The following MRGPRX1 variants were observed in gnomAD, a reference collection of about 807,000 sequenced individuals.
MRGPRX1 encodes mas-related G protein-coupled receptor member X1.
For missense variants in MRGPRX1, 411 were observed against 393.8 expected (o/e 1.04, Z -0.37); for synonymous variants, 208 against 170.4 (o/e 1.22, Z -1.72).
At chr11:18,936,339 A>G (rs1872021) in intron 1 of MRGPRX1, among the ~76,000 whole-genome samples, 56,685 of 148,462 alleles carry the variant, frequency 0.38, 9,804 homozygotes, top group South Asian at 0.41. Context: ...CAGATAGAGA[A>G]AGAGAAGCAG....
At chr11:18,936,800 A>G (rs1848844564) in intron 1 of MRGPRX1, among the ~76,000 whole-genome samples, 1 of 151,518 alleles carries the variant, frequency 6.6e-6, no homozygotes, top group South Asian at 2.1e-4. Context: ...TTAATATAAC[A>G]TAAGATGAAG....
At chr11:18,935,921 AGGGC>A (rs1848837250) in intron 1 of MRGPRX1, among the ~76,000 whole-genome samples, 1 of 151,482 alleles carries the variant, frequency 6.6e-6, no homozygotes, top group Non-Finnish European at 1.5e-5. Flanking sequence ...GGAGATATGT[AGGGC>A]TTGGAGTATA....
In MRGPRX1 at chr11:18,935,364, C is replaced by T. The variant is rs369188541; in HGVS notation, c.-25-555G>A. 2.0e-5 allele frequency: 3 copies of T among 152,132 alleles called. 1 individual carries two copies. In the East Asian group the frequency reaches 5.8e-4, roughly 30 times the overall value. The allele number at this position is 152,132 out of a possible 1,614,324, so 9.4% of individuals were successfully genotyped here. A position where few individuals can be genotyped will look rare whatever the true frequency, so the allele number is the denominator to read the frequency against. On this transcript the variant is annotated intron_variant, in intron 1 of 1. Coordinates refer to ENST00000526914, the MANE Select transcript of MRGPRX1 (RefSeq NM_001393578.1). ...CCTAGTGCCTATTCCATAAGCAGCA[C>T]ACTGTGCTTTTCATATACATTCATT...
rs764324306 is a variant in MRGPRX1 at position 18,934,323 on chromosome 11, G to A, written c.462C>T (p.Ser154=). 6.2e-6 allele frequency: 10 copies of A among 1,610,848 alleles called. No individual in the cohort carries two copies. In the South Asian group the frequency reaches 6.6e-5, roughly 11 times the overall value. ...AGCCACATAACATCCACTCCAGGATGCTCCGCAGCAGGGACAGGGCCCAGA... is the reference window on the plus strand; with the variant it reads ...AGCCACATAACATCCACTCCAGGATACTCCGCAGCAGGGACAGGGCCCAGA... The part of the protein sequence containing the change: ...VLLWALSLLR[S]ILEWMLCGFL... Residue 154 remains serine (S), a synonymous_variant, in exon 2 of 2, where the codon AGC becomes AGT. Coordinates refer to ENST00000526914, the MANE Select transcript of MRGPRX1 (RefSeq NM_001393578.1).
At chr11:18,938,489 T>A (rs546489947) in intron 1 of MRGPRX1, among the ~76,000 whole-genome samples, 1 of 151,562 alleles carries the variant, frequency 6.6e-6, no homozygotes, top group Admixed American at 6.6e-5. Flanking sequence ...AGGGGGATAG[T>A]GTTAAGCCAT....
At chr11:18,935,449 A>C (rs1848833183) in intron 1 of MRGPRX1, among the ~76,000 whole-genome samples, 1 of 151,582 alleles carries the variant, frequency 6.6e-6, no homozygotes, top group Non-Finnish European at 1.5e-5. Context: ...GTGAAATGGA[A>C]AACAAAAATG....
intron 1 of MRGPRX1, among the ~76,000 whole-genome samples, chr11:18,938,747 A>T (rs1190358507): frequency 6.6e-6 from 1 of 151,204 alleles, no homozygotes; most frequent in Non-Finnish European, 1.5e-5. Context: ...CTAGGGGAGG[A>T]CTTAGTCCTC....
chr11:18,936,088 A>C (rs1848838362), intron 1 of MRGPRX1, among the ~76,000 whole-genome samples: 1 of 151,464 alleles, frequency 6.6e-6, no homozygotes, highest in Non-Finnish European at 1.5e-5. Flanking sequence ...CCCATATGTC[A>C]GATAATGCAT....
Position 18,934,702 on chromosome 11 carries a change from A to T in MRGPRX1, c.83T>A (p.Leu28Ter). The change falls in exon 2 of 2, where the codon TTG (leucine) becomes TAG (stop). Residue 28 changes from leucine (L) to a stop codon, truncating the protein, a stop_gained. Transcript: ENST00000526914. LOFTEE classifies it low-confidence loss of function (END_TRUNC). ...GATGCACGTCAGCACCGTGAGGCTC[A>T]AGGTCTGCTTGTAGCAAAGAGTCTC... Reference protein sequence around the residue: ...TEETLCYKQTLSLTVLTCIVS... With the variant: ...TEETLCYKQT 6.2e-7 allele frequency: 1 copy of T among 1,609,866 alleles called. No individual in the cohort carries two copies. Among genetic ancestry groups the T allele is most frequent in the Non-Finnish European group, 8.5e-7 (1 of 1,177,746 alleles).
At chr11:18,934,934 C>T (rs1207561101) in intron 1 of MRGPRX1, 125 bp from the exon 2 acceptor site, 17 of 1,141,818 alleles carry the variant, frequency 1.5e-5, no homozygotes, top group Non-Finnish European at 2.0e-5. Context: ...GAATAAGTCA[C>T]CTATCAAAAG....
chr11:18,934,979 C>A (rs1311946048), intron 1 of MRGPRX1, 170 bp from the exon 2 acceptor site: 8 of 715,008 alleles, frequency 1.1e-5, no homozygotes, highest in Non-Finnish European at 1.8e-5. Context: ...AAATCCAGTT[C>A]TTGCTGACTC....
Position 18,934,095 on chromosome 11 carries a change from C to T in MRGPRX1, c.690G>A (p.Leu230=), listed in dbSNP as rs753251918. The T allele has an allele frequency of 6.2e-7, 1 of 1,610,966 alleles. No homozygotes were observed. The highest frequency in any genetic ancestry group is 1.1e-5 in the South Asian group (1 of 90,790). The change falls in exon 2 of 2, where the codon CTG becomes CTA. Residue 230 remains leucine, a synonymous_variant. Transcript: ENST00000526914. ...LTVLVFLLCG[L]PFGIQFFLFL... The stretch of plus-strand genomic sequence containing the variant: ...ATAGGAAAAACTGAATGCCAAAGGG[C>T]AGGCCACAGAGGAGGAAGACCAGTA...
At position 18,938,286 on chromosome 11, in the gene MRGPRX1, C is replaced by T. The variant is rs557635263; in HGVS notation, c.-26+994G>A. On this transcript the variant is annotated intron_variant, in intron 1 of 1. Coordinates refer to ENST00000526914, the MANE Select transcript of MRGPRX1 (RefSeq NM_001393578.1). ...CAGGTTTAATTGGCTTATGGCTCTG[C>T]GGGCTATGCAAGAAGCATAGCAGCT... Among the ~76,000 whole-genome samples the T allele has an allele frequency of 1.5e-4, 22 of 151,596 alleles. 1 individual carries two copies. Among genetic ancestry groups the T allele is most frequent in the East Asian group, 5.8e-4 (3 of 5,158 alleles).
In MRGPRX1 at chr11:18,934,241, C is replaced by G; in HGVS notation, c.544G>C (p.Ala182Pro). The G allele has an allele frequency of 1.2e-6, 2 of 1,610,416 alleles. No homozygotes were observed. Among genetic ancestry groups the G allele is most frequent in the Non-Finnish European group, 1.7e-6 (2 of 1,178,052 alleles). Reference sequence around the variant, plus strand: ...ACCACACATAAAAAAATCAGCCACGCGACTGTGATGAAATCTGATGTTTGA... The same window carrying G: ...ACCACACATAAAAAAATCAGCCACGGGACTGTGATGAAATCTGATGTTTGA... ...WCQTSDFITV[A>P]WLIFLCVVLC... The change falls in exon 2 of 2, where the codon GCG becomes CCG. Residue 182 changes from alanine to proline, a missense_variant. Ala to Pro is a conservative substitution (Grantham distance 27). Transcript: ENST00000526914.
In MRGPRX1 at chr11:18,934,641, C is replaced by A. The variant is rs1218604861; in HGVS notation, c.144G>T (p.Val48=). 1 of 1,610,804 alleles carries A rather than the reference C, an allele frequency of 6.2e-7. No homozygotes were observed. The highest frequency in any genetic ancestry group is 8.5e-7 in the Non-Finnish European group (1 of 1,178,144). The change falls in exon 2 of 2, where the codon GTG becomes GTT. Residue 48 remains valine, a synonymous_variant. Transcript: ENST00000526914. ...SLVGLTGNAV[V]LWLLGCRMRR... The stretch of plus-strand genomic sequence containing the variant: ...GCATGCGGCAGCCCAGGAGCCAGAG[C>A]ACAACTGCGTTTCCTGTCAGCCCGA...
Position 18,933,593 on chromosome 11 carries a change from T to C in MRGPRX1, c.*223A>G, listed in dbSNP as rs1484959753. 4.0e-5 allele frequency among the ~76,000 whole-genome samples: 6 copies of C among 151,222 alleles called. No homozygotes were observed. Among genetic ancestry groups the C allele is most frequent in the East Asian group, 1.9e-4 (1 of 5,148 alleles). ...ATTCAGTGTGAGATAACAGGGAAAATGTGTTGGTAATATCAAGGAGAATCT... is the reference window on the plus strand; with the variant it reads ...ATTCAGTGTGAGATAACAGGGAAAACGTGTTGGTAATATCAAGGAGAATCT... On this transcript the variant is annotated 3_prime_UTR_variant, in exon 2 of 2. Coordinates refer to ENST00000526914, the MANE Select transcript of MRGPRX1 (RefSeq NM_001393578.1).
chr11:18,935,449 A>G (rs1848833183), intron 1 of MRGPRX1, among the ~76,000 whole-genome samples: 3 of 151,582 alleles, frequency 2.0e-5, no homozygotes, highest in African/African-American at 2.4e-5. Flanking sequence ...GTGAAATGGA[A>G]AACAAAAATG....
Position 18,934,372 on chromosome 11 carries a change from A to G in MRGPRX1, c.413T>C (p.Leu138Pro), listed in dbSNP as rs1848819773. 1.2e-6 allele frequency: 2 copies of G among 1,610,800 alleles called. No homozygotes were observed. Among genetic ancestry groups the G allele is most frequent in the South Asian group, 1.1e-5 (1 of 90,794 alleles). ...IWYRCHRPTH[L>P]SAVVCVLLWA... Reference sequence around the variant, plus strand: ...GAGCAGGACACACACCACCGCTGACAGGTGTGTGGGGCGGTGGCAGCGGTA... The same window carrying G: ...GAGCAGGACACACACCACCGCTGACGGGTGTGTGGGGCGGTGGCAGCGGTA... The change falls in exon 2 of 2, where the codon CTG (leucine) becomes CCG (proline). Residue 138 changes from leucine to proline, a missense_variant. By Grantham distance (98) the Leu-to-Pro change is moderately conservative. Coordinates refer to ENST00000526914, the MANE Select transcript of MRGPRX1 (RefSeq NM_001393578.1).
At chr11:18,936,323 C>G (rs1221052214) in intron 1 of MRGPRX1, among the ~76,000 whole-genome samples, 1 of 150,802 alleles carries the variant, frequency 6.6e-6, no homozygotes, top group Admixed American at 6.7e-5. Context: ...TAACCTAAAC[C>G]AACTTCAGAT....
Sources: allele counts gnomAD v4.1 joint callset (sites outside exome capture counted in the v4.1 genomes callset), GRCh38; gene constraint gnomAD v4.1.1; transcripts MANE v1.5; gene names NCBI Gene and HGNC (gene_info 2026-07-23, HGNC 2026-07-21).